NPLOC4: variants seen among roughly 807,000 people sequenced by gnomAD.
The protein encoded by NPLOC4 is NPL4 homolog, ubiquitin recognition factor.
A neutral mutation model predicts 80.6 loss-of-function variants in NPLOC4; 18 were observed. That is an observed-to-expected ratio of 0.22 (90% confidence interval 0.15 to 0.33). The LOEUF is 0.33. Among genes scored for constraint, NPLOC4 ranks in the 10% least tolerant of loss-of-function variants. The pLI is 1.00. For synonymous variants in NPLOC4, 313 were observed against 301.5 expected (o/e 1.04, Z -0.39); for missense variants, 540 against 786.1 (o/e 0.69, Z 3.74).
At chr17:81,627,105 A>G (rs2035815034) in intron 2 of NPLOC4, among the ~76,000 whole-genome samples, 1 of 151,682 alleles carries the variant, frequency 6.6e-6, no homozygotes, top group Non-Finnish European at 1.5e-5. Flanking sequence ...AAAAAAAGAA[A>G]AAGGGCCAGG....
chr17:81,600,312 C>G, intron 9 of NPLOC4, 29 bp downstream of exon 9: 2 of 1,561,740 alleles, frequency 1.3e-6, no homozygotes, highest in Non-Finnish European at 8.8e-7. Context: ...TGGCCACGCC[C>G]CCTGCTTGGC....
intron 9 of NPLOC4, among the ~76,000 whole-genome samples, chr17:81,599,441 C>T (rs1022578242): frequency 1.3e-5 from 2 of 152,054 alleles, no homozygotes; most frequent in Admixed American, 6.5e-5. Flanking sequence ...AATTTGAACC[C>T]AAATATGCCC....
chr17:81,606,866 G>C (rs1172088644), intron 6 of NPLOC4, 52 bp from the exon 7 acceptor site: 1 of 1,564,078 alleles, frequency 6.4e-7, no homozygotes, highest in South Asian at 1.1e-5. Flanking sequence ...AGTTGAGCAA[G>C]AGGCTGGAAA....
At chr17:81,559,805 T>C (rs2033792032) in intron 16 of NPLOC4, among the ~76,000 whole-genome samples, 1 of 144,678 alleles carries the variant, frequency 6.9e-6, no homozygotes, top group Admixed American at 7.2e-5. Flanking sequence ...CGATCTCGGC[T>C]CACTGCAACC....
chr17:81,566,347 A>G (rs1335340045), intron 15 of NPLOC4: 2 of 152,218 alleles, frequency 1.3e-5, no homozygotes, highest in African/African-American at 2.4e-5. Flanking sequence ...AAAATAATTC[A>G]TATATGAGAA....
intron 8 of NPLOC4, among the ~76,000 whole-genome samples, chr17:81,603,373 G>T (rs1278816941): frequency 6.6e-6 from 1 of 152,028 alleles, no homozygotes; most frequent in Non-Finnish European, 1.5e-5. Context: ...AGATGTGAGG[G>T]TCACTTGAGG....
intron 6 of NPLOC4, among the ~76,000 whole-genome samples, chr17:81,608,253 T>C (rs1422043696): frequency 6.6e-6 from 1 of 152,206 alleles, no homozygotes; most frequent in Non-Finnish European, 1.5e-5. Flanking sequence ...GGTAGTTGTT[T>C]TTCTGAAAAG....
At chr17:81,605,824 CTTTTT>C (rs766106515) in intron 7 of NPLOC4, among the ~76,000 whole-genome samples, 1 of 141,074 alleles carries the variant, frequency 7.1e-6, no homozygotes. Flanking sequence ...AACACATTTT[CTTTTT>C]TTTTTTTTTT....
Position 81,572,530 on chromosome 17 carries a change from G to A in NPLOC4, c.1282-442C>T, listed in dbSNP as rs2034189470. ...TACTTCAAATCTTATTGAAGTGTAT[G>A]GATAGCAGAAAGGAAAACGTGCATA... On this transcript the variant is annotated intron_variant, in intron 12 of 16. Transcript: ENST00000331134. The surrounding 1 kb of genome is among the most constrained non-coding windows in gnomAD (Gnocchi z 4.5). Among the ~76,000 whole-genome samples, 1 of 152,216 alleles carries A rather than the reference G, an allele frequency of 6.6e-6. No individual in the cohort carries two copies. The highest frequency in any genetic ancestry group is 1.5e-5 in the Non-Finnish European group (1 of 68,040).
intron 5 of NPLOC4, 38 bp downstream of exon 5, chr17:81,610,172 C>CA (rs1454981151): frequency 3.5e-5 from 55 of 1,552,678 alleles, no homozygotes; most frequent in Non-Finnish European, 4.5e-5. Context: ...CCGCAGCCCC[C>CA]CACACTGGCC....
Position 81,610,203 on chromosome 17 carries a change from C to T in NPLOC4, c.435+7G>A. The T allele has an allele frequency of 6.4e-7, 1 of 1,570,114 alleles. No homozygotes were observed. The highest frequency in any genetic ancestry group is 1.2e-5 in the South Asian group (1 of 84,938). On this transcript the variant is annotated splice_region_variant and intron_variant, in intron 5 of 16. Coordinates refer to ENST00000331134, the MANE Select transcript of NPLOC4 (RefSeq NM_017921.4). ...TGGCCCAGAACTTACTCCGCAGAGA[C>T]TCTCACCTCTAGAGGGACGCAGTGC...
At chr17:81,634,497 T>A (rs545362050) in intron 1 of NPLOC4, among the ~76,000 whole-genome samples, 7 of 152,324 alleles carry the variant, frequency 4.6e-5, no homozygotes, top group African/African-American at 1.7e-4. Flanking sequence ...CAATGGTTAT[T>A]TTAACTCAGT....
intron 7 of NPLOC4, among the ~76,000 whole-genome samples, chr17:81,606,479 C>A (rs1252294490): frequency 6.6e-6 from 1 of 152,158 alleles, no homozygotes; most frequent in Non-Finnish European, 1.5e-5. Flanking sequence ...AAACAGAGAA[C>A]TGAGGGCGCG....
chr17:81,603,014 C>CACAT (rs386627318), intron 8 of NPLOC4, among the ~76,000 whole-genome samples: 38,827 of 139,960 alleles, frequency 0.28, 6,177 homozygotes, highest in Non-Finnish European at 0.37. Flanking sequence ...CACACACACA[C>CACAT]ATATAAAAGT....
rs2035485442 is a variant in NPLOC4, at chr17:81,616,330, A to AG, written c.210-2837_210-2836insC. On this transcript the variant is annotated intron_variant, in intron 3 of 16. Transcript: ENST00000331134. ...AGCAAGACTCTGTCTCAAAAAAAAAAAAAAAAAAGAAAAGCAAAGCTGCTA... is the reference window on the plus strand; with the variant it reads ...AGCAAGACTCTGTCTCAAAAAAAAAAGAAAAAAAAGAAAAGCAAAGCTGCTA... Among the ~76,000 whole-genome samples, 17 of 137,706 alleles carry AG rather than the reference A, an allele frequency of 1.2e-4. 2 individuals carry two copies. In the South Asian group the frequency reaches 2.5e-3, roughly 20 times the overall value. The allele number at this position is 137,706 out of a possible 152,430, so 90.3% of individuals were successfully genotyped here.
chr17:81,562,862 C>A (rs1370717235), intron 16 of NPLOC4: 1 of 151,566 alleles, frequency 6.6e-6, no homozygotes, highest in Non-Finnish European at 1.5e-5. Context: ...ATTGTTTGAG[C>A]CTGGGGAGGT....
At chr17:81,600,577 C>G (rs535332380) in intron 8 of NPLOC4, 150 bp from the exon 9 acceptor site, 1 of 631,672 alleles carries the variant, frequency 1.6e-6, no homozygotes, top group Non-Finnish European at 2.8e-6. Context: ...AAAACACATG[C>G]GACACGCCTC....
chr17:81,636,983 C>T lies in NPLOC4; in HGVS notation c.-53G>A, dbSNP rs1197202726. ...GCCCCGGGCCGCCGCCGCCTGCCGCCCCAAGGGCCTCGCAGACCCGGCCGC... is the reference window on the plus strand; with the variant it reads ...GCCCCGGGCCGCCGCCGCCTGCCGCTCCAAGGGCCTCGCAGACCCGGCCGC... On this transcript the variant is annotated 5_prime_UTR_variant, in exon 1 of 17. Coordinates refer to ENST00000331134, the MANE Select transcript of NPLOC4 (RefSeq NM_017921.4). 1 of 1,191,326 alleles carries T rather than the reference C, an allele frequency of 8.4e-7. No individual in the cohort carries two copies. The highest frequency in any genetic ancestry group is 1.1e-6 in the Non-Finnish European group (1 of 946,376). The allele number at this position is 1,191,326 out of a possible 1,614,324, so 73.8% of individuals were successfully genotyped here.
At chr17:81,633,797 C>T (rs919785036) in intron 1 of NPLOC4, among the ~76,000 whole-genome samples, 2 of 152,036 alleles carry the variant, frequency 1.3e-5, no homozygotes, top group Admixed American at 6.6e-5. Flanking sequence ...CTTTGCCTGC[C>T]GAGTTCAAGC....
Sources: allele counts gnomAD v4.1 joint callset (sites outside exome capture counted in the v4.1 genomes callset), GRCh38; gene constraint gnomAD v4.1.1; non-coding constraint Gnocchi (gnomAD v3.1); transcripts MANE v1.5; gene names NCBI Gene and HGNC (gene_info 2026-07-23, HGNC 2026-07-21).